Variants in TTLL5 observed in about 807,000 individuals in gnomAD.
The protein encoded by TTLL5 is tubulin tyrosine ligase like 5, also known as tubulin polyglutamylase TTLL5.
Under a neutral mutation model 168.4 loss-of-function variants are expected in TTLL5, and 132 were observed. The observed-to-expected ratio is 0.78, with a 90% confidence interval of 0.68 to 0.91. The LOEUF (loss-of-function observed/expected upper bound fraction) is 0.91, where lower values mean the gene tolerates loss of function less well. Among genes scored for constraint, TTLL5 ranks in the 40% least tolerant of loss-of-function variants. The pLI, the probability that TTLL5 is intolerant of heterozygous loss-of-function variation, is 0.00. For missense variants in TTLL5, 1,545 were observed against 1,581.5 expected (o/e 0.98, Z 0.39); for synonymous variants, 546 against 558.6 (o/e 0.98, Z 0.32).
chr14:75,800,317 A>G (rs1388752337), intron 27 of TTLL5, among the ~76,000 whole-genome samples: 3 of 151,972 alleles, frequency 2.0e-5, no homozygotes, highest in African/African-American at 7.2e-5. Flanking sequence ...TCCAGGAGTT[A>G]TGATTGTTTT....
intron 9 of TTLL5, chr14:75,709,151 C>T (rs1886868089): frequency 5.3e-6 from 4 of 754,938 alleles, no homozygotes; most frequent in East Asian, 4.9e-5. Context: ...CTAAAAAAGC[C>T]TGGTCTGTGT....
intron 31 of TTLL5, among the ~76,000 whole-genome samples, chr14:75,913,397 A>C (rs1291584011): frequency 2.0e-5 from 3 of 151,890 alleles, no homozygotes; most frequent in Admixed American, 2.0e-4. Context: ...CTCTGTAATT[A>C]CCTCTATCAT....
rs575964035 is a variant in TTLL5, at chr14:75,775,511, G to C, written c.2164G>C (p.Ala722Pro). ...GCTGGTTGTTCGTTTCCTCAAGCGA[G>C]CATCAAATAACCTCCAGCATTCACT... is the stretch of plus-strand genomic sequence containing the variant. ...MELVVRFLKR[A>P]SNNLQHSLRM... Residue 722 changes from alanine to proline, a missense_variant, in exon 22 of 32, where the codon GCA becomes CCA. Ala to Pro is a conservative substitution (Grantham distance 27). Coordinates refer to ENST00000298832, the MANE Select transcript of TTLL5 (RefSeq NM_015072.5). 3.1e-6 allele frequency: 5 copies of C among 1,613,836 alleles called. No individual in the cohort carries two copies. In the South Asian group the frequency reaches 4.4e-5, roughly 14 times the overall value.
chr14:75,820,250 G>A, intron 28 of TTLL5, 89 bp downstream of exon 28: 1 of 1,381,052 alleles, frequency 7.2e-7, no homozygotes, highest in Non-Finnish European at 9.5e-7. Context: ...GTTCTGTATG[G>A]AGATAGCACT....
At chr14:75,946,248 G>C (rs925783667) in intron 31 of TTLL5, among the ~76,000 whole-genome samples, 10 of 152,186 alleles carry the variant, frequency 6.6e-5, no homozygotes, top group Non-Finnish European at 1.0e-4. Context: ...AACTCAAGGA[G>C]AGCAGATGTT....
intron 12 of TTLL5, among the ~76,000 whole-genome samples, chr14:75,727,521 G>T (rs1474010320): frequency 6.6e-6 from 1 of 152,164 alleles, no homozygotes; most frequent in African/African-American, 2.4e-5. Context: ...TGAGATCAGT[G>T]GTTGCTGAGG....
rs539898971 is a variant in TTLL5, at chr14:75,804,283, T to G, written c.3171+11183T>G. On this transcript the variant is annotated intron_variant, in intron 27 of 31. Transcript: ENST00000298832. ...AGATAGATGCGGAGGTACATAAAGC[T>G]TGATTCACAGCAGTTAAACTCTCTC... is the stretch of plus-strand genomic sequence containing the variant. Among the ~76,000 whole-genome samples, 3 of 152,360 alleles carry G rather than the reference T, an allele frequency of 2.0e-5. No homozygotes were observed. The East Asian group carries it at 5.8e-4, about 29-fold the overall frequency.
At chr14:75,832,233 A>G (rs1174345086) in intron 28 of TTLL5, among the ~76,000 whole-genome samples, 2 of 152,200 alleles carry the variant, frequency 1.3e-5, no homozygotes, top group African/African-American at 2.4e-5. Flanking sequence ...TGCAGCTGCT[A>G]TGCTGGAGGA....
chr14:75,896,903 T>A (rs542065433), intron 30 of TTLL5, among the ~76,000 whole-genome samples: 1 of 152,316 alleles, frequency 6.6e-6, no homozygotes, highest in East Asian at 1.9e-4. Flanking sequence ...TATATAGTTA[T>A]ATAGGCTGGC....
At chr14:75,870,943 C>G (rs982451748) in intron 29 of TTLL5, among the ~76,000 whole-genome samples, 1 of 151,664 alleles carries the variant, frequency 6.6e-6, no homozygotes, top group Non-Finnish European at 1.5e-5. Flanking sequence ...TACAGGCGCC[C>G]GCCACCACGC....
Position 75,719,742 on chromosome 14 carries a change from G to A in TTLL5, c.850G>A (p.Asp284Asn), listed in dbSNP as rs143218190. ...TTTATTAATTTGTTTTAGTTGTGAC[G>A]ATCCAGAAGTGGAGGATTATGGAAA... The part of the protein sequence containing the change: ...KKSGDYVSCD[D>N]PEVEDYGNKW... The change falls in exon 11 of 32, where the codon GAT becomes AAT. Residue 284 changes from aspartate (D) to asparagine (N), a missense_variant. Coordinates refer to ENST00000298832, the MANE Select transcript of TTLL5 (RefSeq NM_015072.5). The A allele has an allele frequency of 1.6e-5, 25 of 1,607,592 alleles. No homozygotes were observed. Among genetic ancestry groups the A allele is most frequent in the African/African-American group, 1.2e-4 (9 of 74,344 alleles).
At chr14:75,928,933 C>T (rs906762916) in intron 31 of TTLL5, among the ~76,000 whole-genome samples, 12 of 152,170 alleles carry the variant, frequency 7.9e-5, no homozygotes, top group African/African-American at 2.7e-4. Flanking sequence ...GAATTATCCT[C>T]GGCATAAATC....
chr14:75,672,229 A>G (rs928279534), intron 3 of TTLL5, among the ~76,000 whole-genome samples: 2 of 152,028 alleles, frequency 1.3e-5, no homozygotes, highest in Admixed American at 6.6e-5. Context: ...TGTAATTGCT[A>G]GTATTTTATT....
intron 30 of TTLL5, among the ~76,000 whole-genome samples, chr14:75,883,779 G>A (rs1268975929): frequency 6.6e-6 from 1 of 152,220 alleles, no homozygotes; most frequent in Non-Finnish European, 1.5e-5. Context: ...ACCAAGCGCT[G>A]TTCTGGGAAG....
At chr14:75,683,778 T>G in intron 5 of TTLL5, 122 bp downstream of exon 5, 1 of 547,884 alleles carries the variant, frequency 1.8e-6, no homozygotes, top group Non-Finnish European at 2.8e-6. Context: ...AAGAAGGACT[T>G]TTTTTTTTTT....
intron 6 of TTLL5, 65 bp from the exon 7 acceptor site, chr14:75,699,123 A>G: frequency 1.4e-6 from 2 of 1,439,122 alleles, no homozygotes; most frequent in Admixed American, 3.4e-5. Flanking sequence ...AAGTTGATAT[A>G]ATAAACTCAA....
intron 18 of TTLL5, among the ~76,000 whole-genome samples, chr14:75,761,874 A>G (rs1890670716): frequency 6.6e-6 from 1 of 152,226 alleles, no homozygotes; most frequent in African/African-American, 2.4e-5. Flanking sequence ...ATTGAACTCT[A>G]GATAGTAATG....
intron 6 of TTLL5, among the ~76,000 whole-genome samples, chr14:75,692,573 T>C (rs2059382): frequency 0.6 from 90,435 of 151,966 alleles, 28,457 homozygotes; most frequent in Non-Finnish European, 0.7. Context: ...AATGAGTCGG[T>C]GGAAGCAGAG....
chr14:75,845,963 T>C (rs959796301), intron 28 of TTLL5, among the ~76,000 whole-genome samples: 4 of 152,198 alleles, frequency 2.6e-5, no homozygotes, highest in Non-Finnish European at 4.4e-5. Context: ...AGAATCTTTC[T>C]GTGAACAAAA....
Sources: allele counts gnomAD v4.1 joint callset (sites outside exome capture counted in the v4.1 genomes callset), GRCh38; gene constraint gnomAD v4.1.1; transcripts MANE v1.5; gene names NCBI Gene and HGNC (gene_info 2026-07-23, HGNC 2026-07-21).